The following LSAMP variants were observed in gnomAD, a reference collection of about 807,000 sequenced individuals.
The protein encoded by LSAMP is limbic system associated membrane protein, also known as limbic system-associated membrane protein.
In LSAMP, 7 loss-of-function variants were observed where a neutral mutation model predicts 38.6. The ratio of observed to expected loss-of-function variants is 0.18; its 90% confidence interval spans 0.10 to 0.34. The LOEUF is 0.34. Ranked by LOEUF, LSAMP falls within the 10% of genes least tolerant of loss-of-function variation. The pLI is 1.00. For missense variants in LSAMP, 313 were observed against 420.0 expected, an observed-to-expected ratio of 0.75 and a Z score of 2.23; for synonymous variants, 154 against 166.8, an observed-to-expected ratio of 0.92 and a Z score of 0.59.
chr3:115,971,809 A>G (rs1417829828), intron 3 of LSAMP, among the ~76,000 whole-genome samples: 1 of 152,142 alleles, frequency 6.6e-6, no homozygotes, highest in East Asian at 1.9e-4. Flanking sequence ...GGCTCAATAA[A>G]TGAAGCTTAT....
intron 1 of LSAMP, among the ~76,000 whole-genome samples, chr3:116,226,923 A>T (rs1460398340): frequency 6.6e-6 from 1 of 152,196 alleles, no homozygotes; most frequent in East Asian, 1.9e-4. Context: ...CCACTTTGTA[A>T]CAAGGTGAAA....
intron 3 of LSAMP, among the ~76,000 whole-genome samples, chr3:115,949,429 G>T (rs1938209976): frequency 6.6e-6 from 1 of 151,330 alleles, no homozygotes; most frequent in Admixed American, 6.6e-5. Flanking sequence ...TATACAAAAG[G>T]TCATTCAAGG....
At chr3:116,245,556 T>C (rs555807445) in intron 1 of LSAMP, among the ~76,000 whole-genome samples, 1 of 152,360 alleles carries the variant, frequency 6.6e-6, no homozygotes, top group East Asian at 1.9e-4. Context: ...GCAAACTATA[T>C]ACAATTTCTC....
At chr3:116,221,813 A>G (rs924942102) in intron 1 of LSAMP, among the ~76,000 whole-genome samples, 1 of 149,894 alleles carries the variant, frequency 6.7e-6, no homozygotes, top group Non-Finnish European at 1.5e-5. Context: ...GAAAACCTCT[A>G]TGTGCAACAT....
chr3:116,081,016 G>A (rs1348821781), intron 2 of LSAMP, among the ~76,000 whole-genome samples: 1 of 152,154 alleles, frequency 6.6e-6, no homozygotes, highest in Non-Finnish European at 1.5e-5. Context: ...AGTAACAGAA[G>A]GAAAGGAGAG....
At chr3:116,305,648 AT>A (rs2047473605) in intron 1 of LSAMP, among the ~76,000 whole-genome samples, 2 of 152,110 alleles carry the variant, frequency 1.3e-5, no homozygotes, top group East Asian at 1.9e-4. Flanking sequence ...ACACAAAAAA[AT>A]TTCTTAATTC....
chr3:116,195,186 C>T (rs1190601313), intron 1 of LSAMP, among the ~76,000 whole-genome samples: 1 of 152,156 alleles, frequency 6.6e-6, no homozygotes, highest in East Asian at 1.9e-4. Flanking sequence ...CCCCAATTCC[C>T]CTCCTTTGTC....
intron 3 of LSAMP, among the ~76,000 whole-genome samples, chr3:115,962,035 C>T (rs1215252826): frequency 6.6e-6 from 1 of 152,200 alleles, no homozygotes; most frequent in Non-Finnish European, 1.5e-5. Context: ...AGCAAAGGCA[C>T]TGGCCTGCAC....
At chr3:116,131,952 C>G (rs964613524) in intron 1 of LSAMP, among the ~76,000 whole-genome samples, 1 of 151,818 alleles carries the variant, frequency 6.6e-6, no homozygotes, top group East Asian at 1.9e-4. Flanking sequence ...CTCAGTCTCC[C>G]GAGTAGCTGG....
rs150265624 is a variant in LSAMP at position 116,287,225 on chromosome 3, C to T, written c.155+157652G>A. Among the ~76,000 whole-genome samples the T allele has an allele frequency of 8.9e-3, 1,355 of 152,114 alleles. 10 individuals carry two copies. The highest frequency in any genetic ancestry group is 0.024 in the Middle Eastern group (7 of 294). ...TCACATGCAGAGAGAGTCATAAATGCATGTTTGCAGCTAACATGTTGGCAT... is the reference window on the plus strand; with the variant it reads ...TCACATGCAGAGAGAGTCATAAATGTATGTTTGCAGCTAACATGTTGGCAT... On this transcript the variant is annotated intron_variant, in intron 1 of 6. Transcript: ENST00000490035.
At chr3:115,904,975 AGTTT>A (rs946562091) in intron 3 of LSAMP, among the ~76,000 whole-genome samples, 23 of 152,194 alleles carry the variant, frequency 1.5e-4, no homozygotes, top group African/African-American at 5.1e-4. Context: ...TTATTATAAC[AGTTT>A]GTTTTCCTCA....
At position 116,080,501 on chromosome 3, in the gene LSAMP, T is replaced by C. The variant is rs541277180; in HGVS notation, c.388+5823A>G. ...AGGGTTTGGAGATAGTAATTAATTA[T>C]GCTTGGATGGGATTGGTTTAGATAA... On this transcript the variant is annotated intron_variant, in intron 2 of 6. Transcript: ENST00000490035. Among the ~76,000 whole-genome samples the C allele has an allele frequency of 7.2e-5, 11 of 152,380 alleles. No homozygotes were observed. In the South Asian group the frequency reaches 2.1e-3, roughly 29 times the overall value.
chr3:116,390,794 A>G (rs2048683940), intron 1 of LSAMP, among the ~76,000 whole-genome samples: 1 of 151,250 alleles, frequency 6.6e-6, no homozygotes, highest in Non-Finnish European at 1.5e-5. Flanking sequence ...TAACAATAAT[A>G]TCCATATATT....
chr3:116,287,475 C>T (rs894755482), intron 1 of LSAMP, among the ~76,000 whole-genome samples: 2 of 152,076 alleles, frequency 1.3e-5, no homozygotes, highest in Admixed American at 6.6e-5. Flanking sequence ...AGAGCAGCTG[C>T]CTGTAAAATG....
rs114193231 is a variant in LSAMP at position 116,047,860 on chromosome 3, A to G, written c.389-28220T>C. On this transcript the variant is annotated intron_variant, in intron 2 of 6. Coordinates refer to ENST00000490035, the MANE Select transcript of LSAMP (RefSeq NM_002338.5). ...GTTAAATCTAGCTAATTAAAAATGC[A>G]TCACCTCACATAGTCATCACTTTTG... Among the ~76,000 whole-genome samples the G allele has an allele frequency of 9.3e-3, 1,411 of 152,358 alleles. 21 individuals are homozygous for G. The highest frequency in any genetic ancestry group is 0.03 in the African/African-American group (1,260 of 41,580).
intron 1 of LSAMP, among the ~76,000 whole-genome samples, chr3:116,130,835 T>C (rs1424882132): frequency 6.6e-6 from 1 of 152,058 alleles, no homozygotes; most frequent in Non-Finnish European, 1.5e-5. Flanking sequence ...TATAGATATT[T>C]TTCTTCCCCC....
At chr3:115,980,899 G>A (rs1440211187) in intron 3 of LSAMP, among the ~76,000 whole-genome samples, 2 of 151,950 alleles carry the variant, frequency 1.3e-5, no homozygotes, top group East Asian at 1.9e-4. Flanking sequence ...TTGAAACCTC[G>A]CTATGTTTTT....
chr3:116,276,586 G>A (rs541091550), intron 1 of LSAMP, among the ~76,000 whole-genome samples: 59 of 151,608 alleles, frequency 3.9e-4, no homozygotes, highest in Non-Finnish European at 7.4e-4. Context: ...ATACTGCTGG[G>A]GTGATGGATG....
At chr3:115,893,452 C>T (rs1936650611) in intron 3 of LSAMP, among the ~76,000 whole-genome samples, 1 of 151,956 alleles carries the variant, frequency 6.6e-6, no homozygotes, top group African/African-American at 2.4e-5. Flanking sequence ...AGCTCATATA[C>T]AGAAGAGTCT....
Sources: gnomAD v4.1 joint callset for allele counts (sites outside exome capture counted in the v4.1 genomes callset) on GRCh38, gnomAD v4.1.1 for gene constraint, MANE v1.5 for transcripts, NCBI Gene and HGNC (gene_info 2026-07-23, HGNC 2026-07-21) for gene names.